BBS9: variants seen among roughly 807,000 people sequenced by gnomAD.
BBS9 encodes protein PTHB1.
Under a neutral mutation model 117.7 loss-of-function variants are expected in BBS9, and 89 were observed. The ratio of observed to expected loss-of-function variants is 0.76; its 90% CI spans 0.64 to 0.90. The LOEUF is 0.90. BBS9 is among the 40% of genes least tolerant of loss of function. BBS9 has a pLI of 0.00. For synonymous variants in BBS9, 379 were observed against 370.9 expected, an observed-to-expected ratio of 1.02 and a Z score of -0.25; for missense variants, 982 against 1,042.2, an observed-to-expected ratio of 0.94 and a Z score of 0.80.
Position 33,408,280 on chromosome 7 carries a change from G to A in BBS9, c.2115+20136G>A, listed in dbSNP as rs368486147. 1.9e-3 allele frequency among the ~76,000 whole-genome samples: 285 copies of A among 152,306 alleles called. 6 individuals are homozygous for A. In the South Asian group the frequency reaches 0.034, roughly 18 times the overall value. On this transcript the variant is annotated intron_variant, in intron 19 of 22. Coordinates refer to ENST00000242067, the MANE Select transcript of BBS9 (RefSeq NM_198428.3). ...AATCTCCTGGTGCGCCGTTTCCTAA[G>A]CCCGTCGGAAAAGTGCAGTATTAGG...
At chr7:33,345,730 C>A (rs1364382306) in intron 12 of BBS9, among the ~76,000 whole-genome samples, 1 of 152,144 alleles carries the variant, frequency 6.6e-6, no homozygotes, top group Non-Finnish European at 1.5e-5. Context: ...AAATAACTGT[C>A]GAGTTCCAGG....
intron 4 of BBS9, among the ~76,000 whole-genome samples, chr7:33,176,970 ATTTAC>A (rs1321722751): frequency 1.3e-5 from 2 of 152,070 alleles, no homozygotes; most frequent in African/African-American, 4.8e-5. Context: ...ACATTTTCCT[ATTTAC>A]TTGTTGAGGG....
chr7:33,567,238 A>G (rs1857055906), intron 21 of BBS9, among the ~76,000 whole-genome samples: 1 of 152,162 alleles, frequency 6.6e-6, no homozygotes, highest in Non-Finnish European at 1.5e-5. Context: ...AAAAATATAT[A>G]AACTCATTTC....
intron 20 of BBS9, 128 bp downstream of exon 20, chr7:33,505,773 C>T: frequency 1.0e-6 from 1 of 963,860 alleles, no homozygotes; most frequent in Middle Eastern, 3.2e-4. Flanking sequence ...AAAAATGCTG[C>T]TTTCCTTGTC....
At chr7:33,520,873 G>A (rs901493587) in intron 20 of BBS9, among the ~76,000 whole-genome samples, 6 of 152,180 alleles carry the variant, frequency 3.9e-5, no homozygotes, top group African/African-American at 1.4e-4. Flanking sequence ...TCAAAGGAAT[G>A]ATTTTTATAT....
intron 5 of BBS9, among the ~76,000 whole-genome samples, chr7:33,192,477 C>T (rs1036501837): frequency 6.6e-6 from 1 of 152,088 alleles, no homozygotes; most frequent in Non-Finnish European, 1.5e-5. Context: ...AAAAACTGTG[C>T]ACATTTTATA....
In BBS9 at chr7:33,511,170, G is replaced by A. The variant is rs549445064; in HGVS notation, c.2298+5525G>A. 3.1e-4 allele frequency among the ~76,000 whole-genome samples: 47 copies of A among 152,136 alleles called. 1 individual carries two copies. The highest frequency in any genetic ancestry group is 2.1e-4 in the South Asian group (1 of 4,824). ...GAATCCTTTTGAATACAGCATTCTAGGTGGTCACTGTCACTTAGAGTTGGT... is the reference window on the plus strand; with the variant it reads ...GAATCCTTTTGAATACAGCATTCTAAGTGGTCACTGTCACTTAGAGTTGGT... On this transcript the variant is annotated intron_variant, in intron 20 of 22. Transcript: ENST00000242067.
chr7:33,321,077 T>A (rs1811614313), intron 9 of BBS9, among the ~76,000 whole-genome samples: 1 of 152,104 alleles, frequency 6.6e-6, no homozygotes, highest in African/African-American at 2.4e-5. Flanking sequence ...GGTTCTCTCT[T>A]CTGTTCCATT....
At chr7:33,615,714 A>G (rs1865097346) in intron 21 of BBS9, among the ~76,000 whole-genome samples, 1 of 152,122 alleles carries the variant, frequency 6.6e-6, no homozygotes, top group African/African-American at 2.4e-5. Flanking sequence ...AGAGCCAGGA[A>G]GATCGGAGAA....
At chr7:33,358,144 C>A in intron 16 of BBS9, 149 bp downstream of exon 16, 1 of 973,534 alleles carries the variant, frequency 1.0e-6, no homozygotes, top group Non-Finnish European at 1.6e-6. Flanking sequence ...CCTCCTTTGC[C>A]TGTTCAAAGG....
chr7:33,552,304 C>T (rs74714046), intron 21 of BBS9, among the ~76,000 whole-genome samples: 1,772 of 152,264 alleles, frequency 0.012, 29 homozygotes, highest in East Asian at 0.054. Flanking sequence ...AACAGATCTT[C>T]GAGTAGATTT....
intron 7 of BBS9, among the ~76,000 whole-genome samples, chr7:33,271,437 G>A (rs1799777729): frequency 6.6e-6 from 1 of 152,100 alleles, no homozygotes; most frequent in Admixed American, 6.6e-5. Flanking sequence ...GGATCAAAAA[G>A]CAAGACACAA....
At chr7:33,532,408 T>G (rs898107940) in intron 20 of BBS9, among the ~76,000 whole-genome samples, 4 of 152,168 alleles carry the variant, frequency 2.6e-5, no homozygotes, top group Non-Finnish European at 5.9e-5. Context: ...CTGGGTAATT[T>G]ATAAAGAAAA....
chr7:33,341,937 G>T (rs962530218), intron 11 of BBS9, among the ~76,000 whole-genome samples: 3 of 152,062 alleles, frequency 2.0e-5, no homozygotes, highest in African/African-American at 7.2e-5. Context: ...AGAAATTGGT[G>T]TAGAAATTGA....
chr7:33,500,134 C>A (rs951820516), intron 19 of BBS9, among the ~76,000 whole-genome samples: 1 of 152,170 alleles, frequency 6.6e-6, no homozygotes, highest in Non-Finnish European at 1.5e-5. Context: ...TGGGCAGTAC[C>A]ACACAACTTT....
chr7:33,227,634 A>C (rs1322181152), intron 5 of BBS9, among the ~76,000 whole-genome samples: 1 of 151,800 alleles, frequency 6.6e-6, no homozygotes, highest in Non-Finnish European at 1.5e-5. Flanking sequence ...CCCTACCCCC[A>C]AAGTCCTCTA....
At chr7:33,298,001 G>T (rs1805616267) in intron 9 of BBS9, among the ~76,000 whole-genome samples, 2 of 151,956 alleles carry the variant, frequency 1.3e-5, no homozygotes, top group Non-Finnish European at 2.9e-5. Flanking sequence ...GGAGAGATAT[G>T]CTCAGTTCTC....
chr7:33,385,283 C>T (rs1208581150), intron 18 of BBS9, among the ~76,000 whole-genome samples: 5 of 152,160 alleles, frequency 3.3e-5, no homozygotes, highest in Admixed American at 2.0e-4. Flanking sequence ...ATGACAGGCA[C>T]TTTCATTTGT....
intron 21 of BBS9, among the ~76,000 whole-genome samples, chr7:33,592,626 T>C (rs928951095): frequency 4.8e-4 from 73 of 152,150 alleles, no homozygotes; most frequent in Non-Finnish European, 4.4e-5. Flanking sequence ...GTTGTGTTCT[T>C]TTCTGTCTTC....
Sources: allele counts gnomAD v4.1 joint callset (sites outside exome capture counted in the v4.1 genomes callset), GRCh38; gene constraint gnomAD v4.1.1; transcripts MANE v1.5; gene names NCBI Gene and HGNC (gene_info 2026-07-23, HGNC 2026-07-21).